The following KDM5A variants were observed in gnomAD, a reference collection of about 807,000 sequenced individuals.
KDM5A encodes the protein lysine demethylase 5A.
A neutral mutation model predicts 193.5 loss-of-function variants in KDM5A; 42 were observed. That is an observed-to-expected ratio of 0.22 (90% CI 0.17 to 0.28). The LOEUF is 0.28. Ranked by LOEUF, KDM5A falls within the 10% of genes least tolerant of loss-of-function variation. The pLI is 1.00. For missense variants in KDM5A, 1,692 were observed against 2,055.1 expected (o/e 0.82, Z 3.42); for synonymous variants, 796 against 718.1 (o/e 1.11, Z -1.73).
At chr12:311,793 G>A (rs1943589403) in intron 20 of KDM5A, among the ~76,000 whole-genome samples, 1 of 152,086 alleles carries the variant, frequency 6.6e-6, no homozygotes, top group African/African-American at 2.4e-5. Context: ...CAGCACTTTG[G>A]AAGGCCAAGA....
intron 4 of KDM5A, among the ~76,000 whole-genome samples, chr12:363,496 G>A (rs891394944): frequency 1.3e-5 from 2 of 152,114 alleles, no homozygotes; most frequent in African/African-American, 4.8e-5. Flanking sequence ...CAACAATGGT[G>A]GTGAGCTAAA....
At chr12:388,857 T>C in intron 1 of KDM5A, 70 bp downstream of exon 1, 1 of 1,525,716 alleles carries the variant, frequency 6.6e-7, no homozygotes, top group East Asian at 2.2e-5. Context: ...ATCAGAAAAG[T>C]AAAGCTAAAC....
intron 18 of KDM5A, among the ~76,000 whole-genome samples, chr12:319,449 G>C (rs1196935784): frequency 1.3e-5 from 2 of 152,194 alleles, no homozygotes; most frequent in South Asian, 4.1e-4. Context: ...AAATCAAGGA[G>C]TTTGATTCAC....
At chr12:290,434 G>C (rs964960797) in intron 27 of KDM5A, among the ~76,000 whole-genome samples, 1 of 152,078 alleles carries the variant, frequency 6.6e-6, no homozygotes, top group Non-Finnish European at 1.5e-5. Context: ...TTTACGTATC[G>C]TAACAGTTCA....
chr12:317,612 G>A (rs528283505), intron 19 of KDM5A, among the ~76,000 whole-genome samples: 2 of 152,322 alleles, frequency 1.3e-5, no homozygotes, highest in East Asian at 1.9e-4. Context: ...TGATAACTTA[G>A]CGACTGGCCA....
chr12:369,685 C>G (rs1485159190), intron 3 of KDM5A, among the ~76,000 whole-genome samples: 1 of 152,098 alleles, frequency 6.6e-6, no homozygotes, highest in Non-Finnish European at 1.5e-5. Context: ...AAGTCAGAAG[C>G]ATGTCTAGAG....
intron 24 of KDM5A, among the ~76,000 whole-genome samples, chr12:304,057 G>A (rs1943475569): frequency 6.6e-6 from 1 of 152,156 alleles, no homozygotes. Flanking sequence ...TCCTTGCAAT[G>A]TTAAGTGAGC....
chr12:389,049 G>C lies in KDM5A; in HGVS notation c.43C>G (p.Pro15Ala), dbSNP rs2137508196. Residue 15 changes from proline to alanine, a missense_variant, in exon 1 of 28, where the codon CCA becomes GCA. Physicochemically the swap from Pro to Ala is conservative, Grantham distance 27. Around this residue, in one of 11 missense-constraint regions of KDM5A, gnomAD observed 84 missense variants for 68.2 expected, o/e 1.23. Coordinates refer to ENST00000399788, the MANE Select transcript of KDM5A (RefSeq NM_001042603.3). ...GPGGYAAEFV[P>A]PPECPVFEPS... ...TCAAAGACGGGGCACTCTGGCGGTG[G>C]CACGAACTCCGCCGCGTAGCCCCCC... 6.2e-7 allele frequency: 1 copy of C among 1,607,634 alleles called. No individual in the cohort carries two copies. The highest frequency in any genetic ancestry group is 8.5e-7 in the Non-Finnish European group (1 of 1,176,504).
At position 302,343 on chromosome 12, in the gene KDM5A, G is replaced by T. The variant is rs549452998; in HGVS notation, c.4074+4603C>A. Reference sequence around the variant, plus strand: ...AACAGATATACAGACCAATAGAACAGAACAGAGGCCTCAGAAATAACACCA... The same window carrying T: ...AACAGATATACAGACCAATAGAACATAACAGAGGCCTCAGAAATAACACCA... On this transcript the variant is annotated intron_variant, in intron 24 of 27. Transcript: ENST00000399788. Among the ~76,000 whole-genome samples, 3 of 152,242 alleles carry T rather than the reference G, an allele frequency of 2.0e-5. No individual in the cohort carries two copies. The East Asian group carries it at 5.8e-4, about 29-fold the overall frequency.
intron 26 of KDM5A, among the ~76,000 whole-genome samples, chr12:295,154 T>C (rs1245538099): frequency 6.6e-6 from 1 of 151,224 alleles, no homozygotes; most frequent in Admixed American, 6.6e-5. Flanking sequence ...TTAGCAGAAA[T>C]GGCCTTTTTT....
intron 2 of KDM5A, 37 bp from the exon 3 acceptor site, chr12:384,190 T>C (rs1944611921): frequency 1.4e-6 from 2 of 1,479,222 alleles, no homozygotes; most frequent in Non-Finnish European, 1.9e-6. Context: ...TAAGTTATGA[T>C]TGAAATGAAT....
intron 10 of KDM5A, among the ~76,000 whole-genome samples, chr12:347,486 G>A (rs1184092044): frequency 6.6e-6 from 1 of 152,168 alleles, no homozygotes; most frequent in Admixed American, 6.5e-5. Flanking sequence ...CAAAGCTGGA[G>A]GCATCACACT....
At chr12:295,108 G>C (rs144661488) in intron 26 of KDM5A, among the ~76,000 whole-genome samples, 1 of 152,152 alleles carries the variant, frequency 6.6e-6, no homozygotes, top group East Asian at 1.9e-4. Context: ...TGTTCTAAAC[G>C]GGATGGTTAT....
intron 27 of KDM5A, among the ~76,000 whole-genome samples, chr12:289,907 CT>C (rs750918968): frequency 0.047 from 4,659 of 99,666 alleles, 132 homozygotes; most frequent in African/African-American, 0.1. Context: ...TTCTTTCTTT[CT>C]TTTTTTTTTT....
chr12:313,218 T>A, intron 19 of KDM5A, 24 bp from the exon 20 acceptor site: 1 of 1,613,024 alleles, frequency 6.2e-7, no homozygotes, highest in Non-Finnish European at 8.5e-7. Flanking sequence ...AAAAACAGAG[T>A]AGGATGCATG....
Position 285,023 on chromosome 12 carries a change from C to T in KDM5A, c.*433G>A. On this transcript the variant is annotated 3_prime_UTR_variant, in exon 28 of 28. Transcript: ENST00000399788. Reference sequence around the variant, plus strand: ...GGAAAGTGGTACTCCAATCCCTCTCCAACTATCCCAATGAAGGAGATCCAA... The same window carrying T: ...GGAAAGTGGTACTCCAATCCCTCTCTAACTATCCCAATGAAGGAGATCCAA... 3.6e-6 allele frequency: 1 copy of T among 280,964 alleles called. No individual in the cohort carries two copies. The highest frequency in any genetic ancestry group is 6.8e-6 in the Non-Finnish European group (1 of 146,618). 17.4% of individuals were successfully genotyped at this position (280,964 alleles called of 1,614,324 possible).
chr12:348,259 A>AAAC (rs1320121299), intron 10 of KDM5A, among the ~76,000 whole-genome samples: 14 of 151,682 alleles, frequency 9.2e-5, no homozygotes, highest in Admixed American at 5.9e-4. Context: ...AAAAGTCAGG[A>AAAC]AACAGGTGCT....
intron 14 of KDM5A, among the ~76,000 whole-genome samples, chr12:327,721 A>G (rs1226048690): frequency 6.6e-6 from 1 of 151,900 alleles, no homozygotes; most frequent in African/African-American, 2.4e-5. Context: ...AACAACAAAA[A>G]GAGAACACAG....
chr12:379,090 T>C (rs7136957), intron 3 of KDM5A, among the ~76,000 whole-genome samples: 106,596 of 151,882 alleles, frequency 0.7, 37,637 homozygotes, highest in Middle Eastern at 0.78. Context: ...GAAACCATCA[T>C]GCTGATGACT....
Sources: allele counts gnomAD v4.1 joint callset (sites outside exome capture counted in the v4.1 genomes callset), GRCh38; gene constraint gnomAD v4.1.1; regional missense constraint gnomAD v4.1.1; transcripts MANE v1.5; gene names NCBI Gene and HGNC (gene_info 2026-07-23, HGNC 2026-07-21).